MIB1: variants seen among roughly 807,000 people sequenced by gnomAD.
MIB1 encodes the protein MIB E3 ubiquitin protein ligase 1.
MIB1 carries 278 observed loss-of-function variants against 124.5 expected under a neutral mutation model. The observed-to-expected ratio is 2.23, with a 90% CI of 2.02 to 2.47. MIB1 has a LOEUF of 2.47. Among genes scored for constraint, MIB1 ranks in the 30% most tolerant of loss-of-function variants. The pLI, the probability that MIB1 is intolerant of heterozygous loss-of-function variation, is 0.00. For missense variants in MIB1, 957 were observed against 1,254.4 expected (o/e 0.76, Z 3.58); for synonymous variants, 446 against 429.4 (o/e 1.04, Z -0.48).
chr18:21,814,816 C>T (rs1050666502), intron 10 of MIB1, among the ~76,000 whole-genome samples: 10 of 150,958 alleles, frequency 6.6e-5, no homozygotes, highest in South Asian at 4.2e-4. Flanking sequence ...TCAGGTGATC[C>T]GCCCGCCTTG....
chr18:21,846,623 C>T (rs936940980), intron 15 of MIB1, among the ~76,000 whole-genome samples: 3 of 152,148 alleles, frequency 2.0e-5, no homozygotes, highest in African/African-American at 7.2e-5. Flanking sequence ...AGAAGTTCCA[C>T]TTTTGAGTTC....
rs775989203 is a variant in MIB1 at position 21,804,003 on chromosome 18, G to A, written c.1468G>A (p.Val490Ile). ...GTTACTTTTGAAGCAAAACGTGGAT[G>A]TCGAAGCAGAGGTAAGTAAACTTGA... ...LKLLLKQNVD[V>I]EAEDKDGDRA... The change falls in exon 10 of 21, where the codon GTC becomes ATC. Residue 490 changes from valine (V) to isoleucine (I), a missense_variant. By Grantham distance (29) the Val-to-Ile change is conservative. Coordinates refer to ENST00000261537, the MANE Select transcript of MIB1 (RefSeq NM_020774.4). 3 of 1,611,792 alleles carry A rather than the reference G, an allele frequency of 1.9e-6. No homozygotes were observed. In the South Asian group the frequency reaches 3.3e-5, roughly 18 times the overall value.
At chr18:21,734,481 TC>T (rs2040786593) in intron 1 of MIB1, among the ~76,000 whole-genome samples, 2 of 14,410 alleles carry the variant, frequency 1.4e-4, no homozygotes, top group African/African-American at 3.8e-4. Context: ...TCTCTCTTTC[TC>T]TCTCTCTCTC....
At chr18:21,825,754 G>A (rs773464980) in intron 12 of MIB1, 2 of 528,788 alleles carry the variant, frequency 3.8e-6, no homozygotes, top group Non-Finnish European at 7.8e-6. Flanking sequence ...AGGCGATTTG[G>A]TTCCATTTTA....
Position 21,838,811 on chromosome 18 carries a change from G to T in MIB1, c.1962+314G>T, listed in dbSNP as rs573145526. Among the ~76,000 whole-genome samples, 52 of 152,304 alleles carry T rather than the reference G, an allele frequency of 3.4e-4. 1 individual carries two copies. The South Asian group carries it at 4.1e-3, about 12-fold the overall frequency. On this transcript the variant is annotated intron_variant, in intron 13 of 20. Coordinates refer to ENST00000261537, the MANE Select transcript of MIB1 (RefSeq NM_020774.4). ...CAGAATGGCTGCCACTGTTACGGAA[G>T]TATCATCAACCAGAGCACCAAGAAC...
chr18:21,737,001 C>T (rs1226582711), upstream of MIB1, among the ~76,000 whole-genome samples: 1 of 152,160 alleles, frequency 6.6e-6, no homozygotes, highest in African/African-American at 2.4e-5. Context: ...CATTCAAATT[C>T]AGGAAATACA....
At chr18:21,744,691 A>G (rs2040893145) in intron 1 of MIB1, among the ~76,000 whole-genome samples, 1 of 152,138 alleles carries the variant, frequency 6.6e-6, no homozygotes. Flanking sequence ...TCATGATTAA[A>G]TTCAGATTAT....
intron 1 of MIB1, among the ~76,000 whole-genome samples, chr18:21,735,143 G>T (rs3017034): frequency 0.07 from 10,637 of 152,206 alleles, 797 homozygotes; most frequent in African/African-American, 0.18. Context: ...CCAGCGAGAT[G>T]GATGCAGAAG....
chr18:21,800,209 G>T, intron 9 of MIB1, among the ~76,000 whole-genome samples: 2 of 151,062 alleles, frequency 1.3e-5, no homozygotes. Flanking sequence ...CTTACATTTT[G>T]GTTTTTAAAG....
intron 4 of MIB1, among the ~76,000 whole-genome samples, chr18:21,776,110 T>TA (rs551624464): frequency 1.3e-3 from 199 of 151,934 alleles, no homozygotes; most frequent in African/African-American, 4.6e-3. Context: ...CTACAAACAA[T>TA]AAAAAATGTT....
chr18:21,861,175 A>G (rs1015880081), intron 20 of MIB1, among the ~76,000 whole-genome samples: 1 of 152,206 alleles, frequency 6.6e-6, no homozygotes, highest in African/African-American at 2.4e-5. Context: ...TTATAGAATG[A>G]ATAAGTGAAG....
At chr18:21,817,300 T>A (rs1045193226) in intron 11 of MIB1, among the ~76,000 whole-genome samples, 1 of 151,582 alleles carries the variant, frequency 6.6e-6, no homozygotes, top group African/African-American at 2.4e-5. Context: ...AGGTGTGAGC[T>A]GCCATGCCTG....
upstream of MIB1, among the ~76,000 whole-genome samples, chr18:21,737,813 C>T (rs2040802677): frequency 6.6e-6 from 1 of 152,140 alleles, no homozygotes; most frequent in Non-Finnish European, 1.5e-5. Flanking sequence ...GGGATCAATG[C>T]AACAAGAAGA....
chr18:21,854,862 C>A, intron 18 of MIB1: 1 of 216,144 alleles, frequency 4.6e-6, no homozygotes, highest in Admixed American at 4.4e-5. Flanking sequence ...ACGCCACATG[C>A]AGACATTGGT....
intron 1 of MIB1, among the ~76,000 whole-genome samples, chr18:21,758,088 C>T (rs2041055572): frequency 1.3e-5 from 2 of 152,166 alleles, no homozygotes; most frequent in African/African-American, 4.8e-5. Context: ...TCAGTTTCTT[C>T]ATCCATAAAA....
At chr18:21,793,401 A>T (rs1055504038) in intron 7 of MIB1, among the ~76,000 whole-genome samples, 1 of 152,224 alleles carries the variant, frequency 6.6e-6, no homozygotes, top group Non-Finnish European at 1.5e-5. Context: ...AGGTCCAGAT[A>T]AAATTTAGAA....
At chr18:21,821,314 C>T (rs1250914975) in intron 12 of MIB1, among the ~76,000 whole-genome samples, 1 of 152,230 alleles carries the variant, frequency 6.6e-6, no homozygotes, top group Non-Finnish European at 1.5e-5. Flanking sequence ...AATCTACACA[C>T]TTTGGCTTGG....
intron 1 of MIB1, among the ~76,000 whole-genome samples, chr18:21,753,246 T>C (rs1363576504): frequency 6.6e-6 from 1 of 152,208 alleles, no homozygotes; most frequent in Non-Finnish European, 1.5e-5. Context: ...TGTAGTGCAG[T>C]GGCATGATCT....
intron 12 of MIB1, among the ~76,000 whole-genome samples, chr18:21,825,305 C>T (rs2041914775): frequency 6.6e-6 from 1 of 152,034 alleles, no homozygotes; most frequent in South Asian, 2.1e-4. Flanking sequence ...TGCACACATC[C>T]ATGTAAACCA....
Sources: allele counts gnomAD v4.1 joint callset (sites outside exome capture counted in the v4.1 genomes callset), GRCh38; gene constraint gnomAD v4.1.1; transcripts MANE v1.5; gene names NCBI Gene and HGNC (gene_info 2026-07-23, HGNC 2026-07-21).